Variants in BRINP1 observed in about 807,000 individuals in gnomAD.
BRINP1 encodes the protein BMP/retinoic acid-inducible neural-specific protein 1.
In BRINP1, 17 loss-of-function variants were observed where a neutral mutation model predicts 72.9. The ratio of observed to expected loss-of-function variants is 0.23; its 90% CI spans 0.16 to 0.35. BRINP1 has a LOEUF of 0.35. Among genes scored for constraint, BRINP1 ranks in the 10% least tolerant of loss-of-function variants. The pLI is 1.00. For synonymous variants in BRINP1, 418 were observed against 378.5 expected (o/e 1.10, Z -1.21); for missense variants, 850 against 1,001.6 (o/e 0.85, Z 2.04).
chr9:119,287,079 C>T (rs1275403630), intron 2 of BRINP1, among the ~76,000 whole-genome samples: 2 of 151,190 alleles, frequency 1.3e-5, no homozygotes, highest in Non-Finnish European at 2.9e-5. Flanking sequence ...AAAAAACAGA[C>T]CTTAGAGATC....
chr9:119,258,398 C>G (rs1010684431), intron 2 of BRINP1, among the ~76,000 whole-genome samples: 5 of 152,130 alleles, frequency 3.3e-5, no homozygotes, highest in African/African-American at 9.7e-5. Flanking sequence ...TTATCGAGGG[C>G]AGGGGGCCAT....
chr9:119,190,791 A>G (rs1327405569), intron 7 of BRINP1, among the ~76,000 whole-genome samples: 1 of 152,024 alleles, frequency 6.6e-6, no homozygotes, highest in Non-Finnish European at 1.5e-5. Context: ...AATACTTCCA[A>G]ACACATGTTA....
chr9:119,276,866 C>A (rs893566723), intron 2 of BRINP1, among the ~76,000 whole-genome samples: 10 of 152,104 alleles, frequency 6.6e-5, no homozygotes, highest in African/African-American at 2.2e-4. Context: ...TACAATAAAG[C>A]TGATTTAAAT....
chr9:119,226,136 A>G (rs1402676298), intron 5 of BRINP1, among the ~76,000 whole-genome samples: 3 of 152,068 alleles, frequency 2.0e-5, no homozygotes, highest in Non-Finnish European at 4.4e-5. Flanking sequence ...GCACATTAAA[A>G]ATGCTTTGTT....
At chr9:119,337,197 G>A (rs1307258565) in intron 1 of BRINP1, among the ~76,000 whole-genome samples, 1 of 152,134 alleles carries the variant, frequency 6.6e-6, no homozygotes, top group Non-Finnish European at 1.5e-5. Context: ...CAATGATGAC[G>A]AATTTTTAGC....
Position 119,356,253 on chromosome 9 carries a change from C to G in BRINP1, c.-51+12803G>C, listed in dbSNP as rs115898097. Among the ~76,000 whole-genome samples, 1,028 of 152,328 alleles carry G rather than the reference C, an allele frequency of 6.7e-3. 10 individuals carry two copies. Among genetic ancestry groups the G allele is most frequent in the African/African-American group, 0.023 (971 of 41,552 alleles). ...CAGATCTCTGCTCCAATGTCACCAT[C>G]CCAGTGAGGGCTTTTCCTACCCACC... On this transcript the variant is annotated intron_variant, in intron 1 of 7. Transcript: ENST00000265922.
At position 119,189,788 on chromosome 9, in the gene BRINP1, T is replaced by C. The variant is rs138321049; in HGVS notation, c.1145+18931A>G. Among the ~76,000 whole-genome samples the C allele has an allele frequency of 2.8e-4, 43 of 152,108 alleles. No individual in the cohort carries two copies. The East Asian group carries it at 5.4e-3, about 19-fold the overall frequency. On this transcript the variant is annotated intron_variant, in intron 7 of 7. Coordinates refer to ENST00000265922, the MANE Select transcript of BRINP1 (RefSeq NM_014618.3). ...AGCAGACAGAAAAATAACCAAAATATACTGAACATGAACTGCACTTTAGAC... is the reference window on the plus strand; with the variant it reads ...AGCAGACAGAAAAATAACCAAAATACACTGAACATGAACTGCACTTTAGAC...
In BRINP1 at chr9:119,166,835, C is replaced by T. The variant is rs1022231613; in HGVS notation, c.*249G>A. The T allele has an allele frequency of 1.6e-5, 7 of 436,994 alleles. No individual in the cohort carries two copies. Among genetic ancestry groups the T allele is most frequent in the South Asian group, 2.9e-5 (1 of 34,356 alleles). 27.1% of individuals were successfully genotyped at this position (436,994 alleles called of 1,614,324 possible). A position where few individuals can be genotyped will look rare whatever the true frequency, so the allele number is the denominator to read the frequency against. On this transcript the variant is annotated 3_prime_UTR_variant, in exon 8 of 8. Coordinates refer to ENST00000265922, the MANE Select transcript of BRINP1 (RefSeq NM_014618.3). The stretch of plus-strand genomic sequence containing the variant: ...GCACCTGAGGCCTAAGAAGCAACTC[C>T]CTCAATGCTCCACAAAAGGCTGAGA...
At chr9:119,341,287 G>A (rs148952907) in intron 1 of BRINP1, among the ~76,000 whole-genome samples, 40 of 152,252 alleles carry the variant, frequency 2.6e-4, no homozygotes, top group African/African-American at 7.7e-4. Context: ...TTTTCATAAC[G>A]TAACTTTAAC....
chr9:119,365,257 A>C (rs926166278), intron 1 of BRINP1, among the ~76,000 whole-genome samples: 29 of 152,246 alleles, frequency 1.9e-4, no homozygotes, highest in African/African-American at 6.8e-4. Flanking sequence ...GAATTTTGTT[A>C]AAAGTCGTGG....
intron 2 of BRINP1, among the ~76,000 whole-genome samples, chr9:119,298,258 T>C (rs1049930031): frequency 3.9e-5 from 6 of 152,286 alleles, no homozygotes; most frequent in Admixed American, 3.9e-4. Context: ...ATAGGGCCCA[T>C]ATTTACATGA....
rs1564250260 is a variant in BRINP1 at position 119,331,322 on chromosome 9, T to C, written c.-50-17917A>G. ...TTCTAAGATGAGACTAGAGAAACCCTGGAGCAACCTGCTGCCCAGCTCTGC... is the reference window on the plus strand; with the variant it reads ...TTCTAAGATGAGACTAGAGAAACCCCGGAGCAACCTGCTGCCCAGCTCTGC... On this transcript the variant is annotated intron_variant, in intron 1 of 7. Transcript: ENST00000265922. 2.0e-5 allele frequency among the ~76,000 whole-genome samples: 3 copies of C among 152,218 alleles called. No individual in the cohort carries two copies. In the East Asian group the frequency reaches 5.8e-4, roughly 29 times the overall value.
At chr9:119,260,778 T>G (rs1056776851) in intron 2 of BRINP1, among the ~76,000 whole-genome samples, 1 of 152,176 alleles carries the variant, frequency 6.6e-6, no homozygotes. Context: ...ATTTGATGAT[T>G]AAACAAGGTA....
At chr9:119,178,649 G>T (rs185144453) in intron 7 of BRINP1, among the ~76,000 whole-genome samples, 1 of 152,218 alleles carries the variant, frequency 6.6e-6, no homozygotes, top group African/African-American at 2.4e-5. Context: ...GCATAGTGCT[G>T]GAGGTTCTTC....
chr9:119,278,095 C>A (rs1830673886), intron 2 of BRINP1, among the ~76,000 whole-genome samples: 1 of 152,156 alleles, frequency 6.6e-6, no homozygotes. Flanking sequence ...GTTTTTCTTT[C>A]CAGCACTTGG....
intron 1 of BRINP1, among the ~76,000 whole-genome samples, chr9:119,349,712 T>C (rs111237478): frequency 6.6e-6 from 1 of 152,178 alleles, no homozygotes; most frequent in Non-Finnish European, 1.5e-5. Context: ...GGTGTCAGAC[T>C]GCTTAAGATT....
At chr9:119,356,252 T>A (rs1428087796) in intron 1 of BRINP1, among the ~76,000 whole-genome samples, 1 of 152,194 alleles carries the variant, frequency 6.6e-6, no homozygotes, top group Admixed American at 6.5e-5. Flanking sequence ...AATGTCACCA[T>A]CCCAGTGAGG....
intron 7 of BRINP1, among the ~76,000 whole-genome samples, chr9:119,172,731 A>C (rs1330330480): frequency 3.9e-5 from 6 of 152,204 alleles, no homozygotes; most frequent in South Asian, 2.1e-4. Flanking sequence ...AAAAATCCTC[A>C]ATAAAATACT....
At chr9:119,180,480 TGTG>T (rs1829543539) in intron 7 of BRINP1, among the ~76,000 whole-genome samples, 1 of 13,590 alleles carries the variant, frequency 7.4e-5, no homozygotes, top group Admixed American at 8.3e-4. Flanking sequence ...TCTCTGTGCA[TGTG>T]TGTGTGTGTG....
Sources: gnomAD v4.1 joint callset for allele counts (sites outside exome capture counted in the v4.1 genomes callset) on GRCh38, gnomAD v4.1.1 for gene constraint, MANE v1.5 for transcripts, NCBI Gene and HGNC (gene_info 2026-07-23, HGNC 2026-07-21) for gene names.